ERC2: variants seen among roughly 807,000 people sequenced by gnomAD.
The protein encoded by ERC2 is ERC protein 2.
Under a neutral mutation model 114.8 loss-of-function variants are expected in ERC2, and 42 were observed. The ratio of observed to expected loss-of-function variants is 0.37; its 90% CI spans 0.29 to 0.47. The LOEUF (loss-of-function observed/expected upper bound fraction) is 0.47. ERC2 is among the 20% of genes least tolerant of loss of function. The probability of loss-of-function intolerance (pLI) is 0.99; values close to 1 mark genes in which losing one functional copy is unlikely to be tolerated. For missense variants in ERC2, 939 were observed against 1,150.7 expected (o/e 0.82, Z 2.66); for synonymous variants, 454 against 425.5 (o/e 1.07, Z -0.82).
chr3:55,599,711 T>C (rs1268190242), intron 17 of ERC2, among the ~76,000 whole-genome samples: 1 of 152,164 alleles, frequency 6.6e-6, no homozygotes, highest in Non-Finnish European at 1.5e-5. Flanking sequence ...AAATTCTCAG[T>C]TGGAATATTC....
intron 17 of ERC2, among the ~76,000 whole-genome samples, chr3:55,651,423 T>G (rs928650601): frequency 1.3e-5 from 2 of 152,196 alleles, no homozygotes; most frequent in African/African-American, 4.8e-5. Flanking sequence ...TTCCTGTCCA[T>G]GGGCCTTCCC....
At chr3:56,369,083 G>T (rs1054859950) in intron 2 of ERC2, among the ~76,000 whole-genome samples, 1 of 152,160 alleles carries the variant, frequency 6.6e-6, no homozygotes, top group African/African-American at 2.4e-5. Context: ...CCAAGGCAGC[G>T]GGCCAAGAAC....
intron 3 of ERC2, among the ~76,000 whole-genome samples, chr3:56,210,685 C>T (rs1402137954): frequency 6.6e-6 from 1 of 152,158 alleles, no homozygotes; most frequent in Non-Finnish European, 1.5e-5. Context: ...TTGTTTATGT[C>T]TCATCTTTCA....
At chr3:56,040,575 G>GTATATAGAGATGTATA (rs1560072251) in intron 7 of ERC2, among the ~76,000 whole-genome samples, 1 of 10,738 alleles carries the variant, frequency 9.3e-5, no homozygotes, top group Non-Finnish European at 2.0e-4. Context: ...ATGTATATAT[G>GTATATAGAGATGTATA]TATACATATA....
intron 17 of ERC2, chr3:55,659,343 T>C (rs1180232516): frequency 6.6e-6 from 1 of 152,254 alleles, no homozygotes; most frequent in African/African-American, 2.4e-5. Context: ...AATATTTGCA[T>C]GATGATTTGG....
At chr3:55,647,435 C>G (rs1471965262) in intron 17 of ERC2, among the ~76,000 whole-genome samples, 2 of 152,132 alleles carry the variant, frequency 1.3e-5, no homozygotes, top group Non-Finnish European at 2.9e-5. Flanking sequence ...CAGGCGCACC[C>G]ACAAATACGT....
At chr3:55,798,980 A>C (rs1421522036) in intron 14 of ERC2, among the ~76,000 whole-genome samples, 1 of 152,210 alleles carries the variant, frequency 6.6e-6, no homozygotes, top group Non-Finnish European at 1.5e-5. Context: ...CTAAAAAAAT[A>C]AATAATAAAG....
chr3:56,271,320 C>T (rs536143713), intron 3 of ERC2, among the ~76,000 whole-genome samples: 3 of 152,298 alleles, frequency 2.0e-5, no homozygotes, highest in East Asian at 1.9e-4. Flanking sequence ...ATGACATCCA[C>T]GTGGGCAGCA....
chr3:55,981,292 C>A (rs1156603746), intron 12 of ERC2, among the ~76,000 whole-genome samples: 2 of 152,172 alleles, frequency 1.3e-5, no homozygotes, highest in African/African-American at 4.8e-5. Context: ...TGACACTTCA[C>A]CAGAAATGTC....
At chr3:55,742,926 A>G (rs2066059737) in intron 14 of ERC2, among the ~76,000 whole-genome samples, 1 of 152,218 alleles carries the variant, frequency 6.6e-6, no homozygotes, top group Non-Finnish European at 1.5e-5. Context: ...TGCAGAAAGC[A>G]AAGCAGCTCA....
At chr3:55,991,116 T>A (rs1399303964) in intron 11 of ERC2, among the ~76,000 whole-genome samples, 1 of 152,224 alleles carries the variant, frequency 6.6e-6, no homozygotes, top group Non-Finnish European at 1.5e-5. Context: ...CAGGTCTTTC[T>A]GTCACTGAAG....
At chr3:56,010,641 C>T in intron 8 of ERC2, 52 bp from the exon 9 acceptor site, 3 of 1,553,410 alleles carry the variant, frequency 1.9e-6, no homozygotes, top group Non-Finnish European at 2.6e-6. Flanking sequence ...AGTGTATATG[C>T]CAAAGCATAC....
intron 7 of ERC2, among the ~76,000 whole-genome samples, chr3:56,030,678 G>C (rs2074326506): frequency 6.6e-6 from 1 of 152,204 alleles, no homozygotes; most frequent in Non-Finnish European, 1.5e-5. Flanking sequence ...ATGTCAGTAA[G>C]ATGGCAGAAT....
intron 14 of ERC2, among the ~76,000 whole-genome samples, chr3:55,831,372 G>C (rs2060569321): frequency 1.3e-5 from 1 of 74,460 alleles, no homozygotes; most frequent in Non-Finnish European, 2.6e-5. Context: ...GGGAGGGGAA[G>C]GGAAGGGAAG....
intron 14 of ERC2, among the ~76,000 whole-genome samples, chr3:55,872,016 TC>T (rs374641056): frequency 1.7e-3 from 256 of 152,232 alleles, no homozygotes; most frequent in African/African-American, 5.9e-3. Flanking sequence ...TTCAAAATAA[TC>T]TAGGGATGAG....
chr3:55,614,960 T>A (rs567006252), intron 17 of ERC2, among the ~76,000 whole-genome samples: 1 of 152,380 alleles, frequency 6.6e-6, no homozygotes, highest in Non-Finnish European at 1.5e-5. Context: ...CCTACCACTT[T>A]AAGGAAGTGT....
chr3:55,669,475 G>A (rs555172427), intron 17 of ERC2, among the ~76,000 whole-genome samples: 1 of 152,338 alleles, frequency 6.6e-6, no homozygotes, highest in Admixed American at 6.5e-5. Context: ...GCCAAGATAA[G>A]AGAGTACAAA....
intron 17 of ERC2, among the ~76,000 whole-genome samples, chr3:55,560,750 TACA>T (rs1173255829): frequency 6.6e-6 from 1 of 152,284 alleles, no homozygotes; most frequent in Non-Finnish European, 1.5e-5. Flanking sequence ...GCATTTGTTA[TACA>T]ACAAGAGGTA....
At chr3:56,089,717 A>T (rs1490901171) in intron 6 of ERC2, among the ~76,000 whole-genome samples, 1 of 152,146 alleles carries the variant, frequency 6.6e-6, no homozygotes, top group Non-Finnish European at 1.5e-5. Context: ...AAAAGCTTCA[A>T]CCCTTGGAAT....
Sources: gnomAD v4.1 joint callset for allele counts (sites outside exome capture counted in the v4.1 genomes callset) on GRCh38, gnomAD v4.1.1 for gene constraint, MANE v1.5 for transcripts, NCBI Gene and HGNC (gene_info 2026-07-23, HGNC 2026-07-21) for gene names.